Variants in CTPS2 observed in about 807,000 individuals in gnomAD.
CTPS2 encodes CTP synthase II.
In CTPS2, 19 loss-of-function variants were observed where a neutral mutation model predicts 46.8. The observed-to-expected ratio is 0.41, with a 90% CI of 0.28 to 0.60. CTPS2 has a LOEUF of 0.60. CTPS2 is among the 20% of genes least tolerant of loss of function. The pLI is 0.35. For synonymous variants in CTPS2, 151 were observed against 165.2 expected (o/e 0.91, Z 0.66); for missense variants, 286 against 447.6 (o/e 0.64, Z 3.26).
chrX:16,590,422 C>T (rs1335913813), intron 18 of CTPS2, among the ~76,000 whole-genome samples: 2 of 111,874 alleles, frequency 1.8e-5, no homozygotes, highest in African/African-American at 6.5e-5. Flanking sequence ...AACTGCATGG[C>T]TCATAAGCCT....
At chrX:16,654,523 A>C (rs1932772956) in intron 13 of CTPS2, 1 of 1,048,791 alleles carries the variant, frequency 9.5e-7, no homozygotes, top group Non-Finnish European at 1.3e-6. Context: ...AGAAAACAAA[A>C]TAGAACCCTG....
intron 3 of CTPS2, 77 bp from the exon 4 acceptor site, chrX:16,698,413 C>T: frequency 1.5e-6 from 1 of 655,639 alleles, no homozygotes; most frequent in Non-Finnish European, 2.4e-6. Context: ...TCCCCAATCA[C>T]CTGAAAGTCA....
chrX:16,620,421 ACTAT>A lies in CTPS2; in HGVS notation c.1394-93_1394-90del, dbSNP rs200795003. ...CTTTGTGGAGGCAAGTGCCTGGATC[ACTAT>A]CTATCTATCAGAGGACTAAAAATGA... On this transcript the variant is annotated intron_variant, in intron 14 of 18. Transcript: ENST00000359276. 2.5e-3 allele frequency: 1,577 copies of A among 639,048 alleles called. 13 individuals carry two copies. The African/African-American group carries it at 0.028, about 11-fold the overall frequency. The allele number at this position is 639,048 out of a possible 1,213,427, so 52.7% of individuals were successfully genotyped here.
At chrX:16,703,573 T>A (rs748752738) in intron 1 of CTPS2, among the ~76,000 whole-genome samples, 2 of 111,506 alleles carry the variant, frequency 1.8e-5, no homozygotes, top group South Asian at 7.4e-4. Flanking sequence ...GCTCAAGCAA[T>A]CCTCTTGCCT....
At chrX:16,710,093 CCATAAAGCCAAAAAATATGA>C (rs1333921821) in intron 1 of CTPS2, among the ~76,000 whole-genome samples, 1 of 110,069 alleles carries the variant, frequency 9.1e-6, no homozygotes, top group Non-Finnish European at 1.9e-5. Flanking sequence ...CCAAAGCCAG[CCATAAAGCCAAAAAATATGA>C]CTCTAACCTT....
intron 13 of CTPS2, among the ~76,000 whole-genome samples, chrX:16,641,290 T>C (rs189260150): frequency 1.1e-3 from 124 of 112,359 alleles, no homozygotes; most frequent in African/African-American, 3.9e-3. Context: ...CCCTAATTTC[T>C]TGATAGAAGT....
intron 1 of CTPS2, among the ~76,000 whole-genome samples, chrX:16,709,199 G>A (rs1453047813): frequency 1.9e-5 from 2 of 106,074 alleles, no homozygotes; most frequent in Non-Finnish European, 3.9e-5. Flanking sequence ...AGGCCAAGAC[G>A]GGCGGATTGC....
intron 11 of CTPS2, among the ~76,000 whole-genome samples, 195 bp from the exon 12 acceptor site, chrX:16,667,919 T>C (rs1165608440): frequency 9.3e-6 from 1 of 107,786 alleles, no homozygotes; most frequent in African/African-American, 3.4e-5. Flanking sequence ...TAGACTATCA[T>C]GAAGCCGCCT....
At chrX:16,598,669 A>G (rs1230600380) in intron 17 of CTPS2, among the ~76,000 whole-genome samples, 2 of 111,608 alleles carry the variant, frequency 1.8e-5, no homozygotes, top group Non-Finnish European at 3.8e-5. Context: ...AACTATTCCA[A>G]TCAATAGAAA....
In CTPS2 at chrX:16,688,002, A is replaced by C. The variant is rs773138540; in HGVS notation, c.872+1448T>G. On this transcript the variant is annotated intron_variant, in intron 8 of 18. Transcript: ENST00000359276. ...CACCCAAACTCACACAGCTGGTAAG[A>C]GAAGAGGCCAGGATTTGAGTCCAGA... is the stretch of plus-strand genomic sequence containing the variant. Among the ~76,000 whole-genome samples the C allele has an allele frequency of 4.5e-5, 5 of 111,315 alleles. No homozygotes were observed. In the Admixed American group the frequency reaches 4.9e-4, roughly 11 times the overall value.
chrX:16,631,959 T>C (rs191161016), intron 14 of CTPS2, among the ~76,000 whole-genome samples: 34 of 112,247 alleles, frequency 3.0e-4, no homozygotes, highest in African/African-American at 1.0e-3. Flanking sequence ...CACCTGAGCC[T>C]GATCCCTCCA....
At chrX:16,698,206 A>T in intron 4 of CTPS2, 30 bp downstream of exon 4, 2 of 1,016,576 alleles carry the variant, frequency 2.0e-6, no homozygotes, top group Non-Finnish European at 2.8e-6. Flanking sequence ...CCAGCAGGAT[A>T]TAATTTTATA....
intron 17 of CTPS2, among the ~76,000 whole-genome samples, chrX:16,607,981 C>A (rs897507264): frequency 8.9e-6 from 1 of 112,702 alleles, no homozygotes; most frequent in Non-Finnish European, 1.9e-5. Context: ...GAGGCCAAAG[C>A]AAGCAAATCA....
Position 16,674,577 on chromosome X carries a change from A to G in CTPS2, c.1094+3785T>C, listed in dbSNP as rs370997660. Among the ~76,000 whole-genome samples, 1,085 of 109,923 alleles carry G rather than the reference A, an allele frequency of 9.9e-3. 17 individuals are homozygous for G. The highest frequency in any genetic ancestry group is 0.03 in the African/African-American group (903 of 30,271). On this transcript the variant is annotated intron_variant, in intron 10 of 18. Coordinates refer to ENST00000359276, the MANE Select transcript of CTPS2 (RefSeq NM_175859.3). ...ACGCAGGCCGGGCATGGTGGCTCAC[A>G]CCTGTAATCCCAGCACTTTGGGAGG...
At chrX:16,608,125 A>T (rs1355012523) in intron 17 of CTPS2, among the ~76,000 whole-genome samples, 1 of 111,346 alleles carries the variant, frequency 9.0e-6, no homozygotes, top group Non-Finnish European at 1.9e-5. Context: ...AGGCAGGAGA[A>T]TCTCTTGAAC....
chrX:16,612,897 A>G (rs766453120), intron 16 of CTPS2, among the ~76,000 whole-genome samples: 4 of 112,162 alleles, frequency 3.6e-5, no homozygotes, highest in African/African-American at 1.3e-4. Flanking sequence ...TGTTAGTTAC[A>G]TAAGGTATGC....
At chrX:16,655,167 C>T (rs1021111796) in intron 13 of CTPS2, among the ~76,000 whole-genome samples, 39 of 112,011 alleles carry the variant, frequency 3.5e-4, no homozygotes, top group African/African-American at 1.2e-3. Flanking sequence ...TGACGTCATG[C>T]TATCTCCCAG....
chrX:16,640,887 G>A (rs760087772), intron 13 of CTPS2, among the ~76,000 whole-genome samples: 2 of 111,645 alleles, frequency 1.8e-5, no homozygotes, highest in Admixed American at 9.6e-5. Context: ...TCTTATCAGT[G>A]CCCCAGAACT....
chrX:16,668,357 G>A (rs1045029909), intron 11 of CTPS2, among the ~76,000 whole-genome samples: 7 of 105,983 alleles, frequency 6.6e-5, no homozygotes, highest in Non-Finnish European at 1.4e-4. Flanking sequence ...GGCGGATCAC[G>A]AGGTCAGGAG....
Sources: allele counts gnomAD v4.1 joint callset (sites outside exome capture counted in the v4.1 genomes callset), GRCh38; gene constraint gnomAD v4.1.1; transcripts MANE v1.5; gene names NCBI Gene and HGNC (gene_info 2026-07-23, HGNC 2026-07-21).